CELF4: variants seen among roughly 807,000 people sequenced by gnomAD.
The protein encoded by CELF4 is CUG-BP- and ETR-3-like factor 4.
A neutral mutation model predicts 59.9 loss-of-function variants in CELF4; 18 were observed. The observed-to-expected ratio is 0.30, with a 90% confidence interval of 0.21 to 0.45. The LOEUF is 0.45. Among genes scored for constraint, CELF4 ranks in the 20% least tolerant of loss-of-function variants. The pLI is 1.00. For synonymous variants in CELF4, 261 were observed against 267.1 expected (o/e 0.98, Z 0.22); for missense variants, 456 against 689.0 (o/e 0.66, Z 3.79).
At chr18:37,562,977 CTG>C (rs1305315554) in intron 1 of CELF4, among the ~76,000 whole-genome samples, 1 of 152,082 alleles carries the variant, frequency 6.6e-6, no homozygotes, top group African/African-American at 2.4e-5. Context: ...TTGCCACTGA[CTG>C]AGACAGTTTA....
At chr18:37,382,956 G>T (rs1477736181) in intron 2 of CELF4, among the ~76,000 whole-genome samples, 5 of 152,040 alleles carry the variant, frequency 3.3e-5, no homozygotes, top group Non-Finnish European at 7.4e-5. Context: ...CCCATCGTTA[G>T]AGCTGATTTG....
chr18:37,535,520 G>C (rs1603643616), intron 1 of CELF4, among the ~76,000 whole-genome samples: 1 of 152,144 alleles, frequency 6.6e-6, no homozygotes, highest in Non-Finnish European at 1.5e-5. Flanking sequence ...TTAGTCTACA[G>C]TGATCATGAG....
intron 2 of CELF4, among the ~76,000 whole-genome samples, chr18:37,368,437 G>A (rs996772312): frequency 6.6e-6 from 1 of 152,168 alleles, no homozygotes; most frequent in African/African-American, 2.4e-5. Flanking sequence ...GGCTCCCCAG[G>A]GAGGGGTAGG....
chr18:37,351,912 C>T (rs1210163317), intron 2 of CELF4, among the ~76,000 whole-genome samples: 2 of 152,098 alleles, frequency 1.3e-5, no homozygotes, highest in African/African-American at 4.8e-5. Flanking sequence ...CACCACCGAA[C>T]CTGGCCCAGA....
intron 2 of CELF4, among the ~76,000 whole-genome samples, chr18:37,392,232 C>A (rs537192432): frequency 6.6e-6 from 1 of 152,178 alleles, no homozygotes; most frequent in South Asian, 2.1e-4. Flanking sequence ...GGACAGGCTC[C>A]GTCACGGAGA....
At chr18:37,368,696 G>A (rs149917057) in intron 2 of CELF4, among the ~76,000 whole-genome samples, 2 of 152,298 alleles carry the variant, frequency 1.3e-5, no homozygotes, top group Non-Finnish European at 2.9e-5. Context: ...ACCTCAGCGT[G>A]CAAGGAGCAG....
At chr18:37,347,208 T>C (rs917238643) in intron 2 of CELF4, among the ~76,000 whole-genome samples, 9 of 151,902 alleles carry the variant, frequency 5.9e-5, no homozygotes, top group African/African-American at 1.9e-4. Flanking sequence ...AGGAAGAGAA[T>C]GGGGAGCCCC....
intron 3 of CELF4, among the ~76,000 whole-genome samples, chr18:37,302,136 C>A (rs188931059): frequency 6.6e-6 from 1 of 152,338 alleles, no homozygotes; most frequent in Admixed American, 6.5e-5. Flanking sequence ...ATAAAACTCC[C>A]AAGAATACAC....
intron 2 of CELF4, among the ~76,000 whole-genome samples, chr18:37,469,296 C>G (rs990252452): frequency 1.3e-5 from 2 of 152,152 alleles, no homozygotes; most frequent in African/African-American, 4.8e-5. Context: ...CTCTGCTCCT[C>G]CTGTATGGCA....
At chr18:37,317,581 TACTCTTCCTGG>T (rs916925312) in intron 3 of CELF4, among the ~76,000 whole-genome samples, 3 of 152,164 alleles carry the variant, frequency 2.0e-5, no homozygotes, top group African/African-American at 7.2e-5. Flanking sequence ...CTGCATCCTA[TACTCTTCCTGG>T]ACTCTTCCTG....
At chr18:37,490,635 C>T (rs2099899343) in intron 1 of CELF4, among the ~76,000 whole-genome samples, 1 of 152,124 alleles carries the variant, frequency 6.6e-6, no homozygotes. Flanking sequence ...CTCAACTCAG[C>T]AAGCTGGAAA....
chr18:37,460,596 T>C (rs2099790817), intron 2 of CELF4, among the ~76,000 whole-genome samples: 1 of 152,252 alleles, frequency 6.6e-6, no homozygotes, highest in African/African-American at 2.4e-5. Context: ...TGTCTCACTG[T>C]TGGCTTTGTC....
At chr18:37,324,986 G>A (rs113529152) in intron 2 of CELF4, among the ~76,000 whole-genome samples, 4,004 of 152,276 alleles carry the variant, frequency 0.026, 103 homozygotes, top group South Asian at 0.065. Context: ...ATGGGCTTGG[G>A]ATGGTCCAGG....
intron 3 of CELF4, among the ~76,000 whole-genome samples, chr18:37,298,706 C>T (rs934409958): frequency 3.5e-4 from 50 of 142,396 alleles, no homozygotes; most frequent in East Asian, 1.0e-3. Context: ...GCCTGGGCGA[C>T]GGAGTGAGAC....
chr18:37,275,137 G>T lies in CELF4; in HGVS notation c.555C>A (p.Arg185=). Residue 185 remains arginine (R), a synonymous_variant, in exon 4 of 13, where the codon CGC becomes CGA. Transcript: ENST00000420428. Reference sequence around the variant, plus strand: ...CACCCTTGCTGTTGCCGTCGGGCCCGCGCAGGATGGTGCACTCCTCGATGT... The same window carrying T: ...CACCCTTGCTGTTGCCGTCGGGCCCTCGCAGGATGGTGCACTCCTCGATGT... ...FGNIEECTIL[R]GPDGNSKGCA... 2.5e-6 allele frequency: 4 copies of T among 1,613,344 alleles called. No homozygotes were observed. The highest frequency in any genetic ancestry group is 3.4e-6 in the Non-Finnish European group (4 of 1,179,864).
At chr18:37,359,952 C>T (rs1208320393) in intron 2 of CELF4, among the ~76,000 whole-genome samples, 2 of 151,992 alleles carry the variant, frequency 1.3e-5, no homozygotes, top group African/African-American at 4.8e-5. Context: ...CCAGTTCAAG[C>T]AATTCCCCTG....
intron 3 of CELF4, among the ~76,000 whole-genome samples, chr18:37,297,526 T>C (rs1437751841): frequency 6.6e-6 from 1 of 152,230 alleles, no homozygotes; most frequent in African/African-American, 2.4e-5. Flanking sequence ...CTGGGATATG[T>C]CATCCTTTCT....
intron 2 of CELF4, among the ~76,000 whole-genome samples, chr18:37,452,068 C>T (rs538138062): frequency 1.3e-5 from 2 of 152,160 alleles, no homozygotes; most frequent in Non-Finnish European, 2.9e-5. Flanking sequence ...ACCCATCAGC[C>T]AGGAGGCAGG....
intron 2 of CELF4, among the ~76,000 whole-genome samples, chr18:37,466,148 C>T (rs564073970): frequency 6.6e-6 from 1 of 152,350 alleles, no homozygotes; most frequent in South Asian, 2.1e-4. Context: ...TCACTGTCAG[C>T]TGCCTAAAGC....
Sources: gnomAD v4.1 joint callset for allele counts (sites outside exome capture counted in the v4.1 genomes callset) on GRCh38, gnomAD v4.1.1 for gene constraint, MANE v1.5 for transcripts, NCBI Gene and HGNC (gene_info 2026-07-23, HGNC 2026-07-21) for gene names.